Variants in TRAK2 observed in about 807,000 individuals in gnomAD.
TRAK2 encodes trafficking kinesin-binding protein 2.
A neutral mutation model predicts 104.6 loss-of-function variants in TRAK2; 81 were observed. The ratio of observed to expected loss-of-function variants is 0.77; its 90% CI spans 0.65 to 0.93. The LOEUF (loss-of-function observed/expected upper bound fraction) is 0.93, where lower values mean the gene tolerates loss of function less well. TRAK2 is among the 40% of genes least tolerant of loss of function. The probability of loss-of-function intolerance (pLI) is 0.00; values close to 1 mark genes in which losing one functional copy is unlikely to be tolerated. For missense variants in TRAK2, 1,002 were observed against 1,089.0 expected, an observed-to-expected ratio of 0.92 and a Z score of 1.12; for synonymous variants, 406 against 394.4, an observed-to-expected ratio of 1.03 and a Z score of -0.35.
At chr2:201,422,002 T>C (rs1951745103) in intron 1 of TRAK2, among the ~76,000 whole-genome samples, 1 of 146,846 alleles carries the variant, frequency 6.8e-6, no homozygotes, top group South Asian at 2.1e-4. Flanking sequence ...TGAGCTGAGA[T>C]TGCGCCAACT....
intron 2 of TRAK2, chr2:201,412,585 C>T: frequency 7.0e-7 from 1 of 1,427,226 alleles, no homozygotes; most frequent in Non-Finnish European, 9.9e-7. Flanking sequence ...GACTGTTTCA[C>T]AGCTCACATA....
intron 1 of TRAK2, among the ~76,000 whole-genome samples, chr2:201,437,277 T>C (rs1248460919): frequency 6.6e-6 from 1 of 152,178 alleles, no homozygotes; most frequent in East Asian, 1.9e-4. Context: ...TTCCTCTACC[T>C]GCGTTTAATG....
At chr2:201,399,711 G>C (rs756385112) in intron 4 of TRAK2, among the ~76,000 whole-genome samples, 2 of 152,018 alleles carry the variant, frequency 1.3e-5, no homozygotes, top group African/African-American at 4.8e-5. Context: ...AATGCAAGAG[G>C]ACATCTCTTT....
chr2:201,443,887 T>G (rs767183317), intron 1 of TRAK2, among the ~76,000 whole-genome samples: 19 of 152,132 alleles, frequency 1.2e-4, no homozygotes, highest in Non-Finnish European at 2.6e-4. Context: ...AATAGTGTTT[T>G]TAAAGCTAAA....
At chr2:201,413,274 A>G in intron 2 of TRAK2, 1 of 1,308,438 alleles carries the variant, frequency 7.6e-7, no homozygotes, top group East Asian at 2.3e-5. Context: ...TACTTCTGTA[A>G]CAGTACTCTT....
Position 201,387,939 on chromosome 2 carries a change from T to A in TRAK2, c.1460A>T (p.His487Leu), listed in dbSNP as rs1036413867. ...SGDSDLATAL[H>L]RLSLRRQNYL... Reference sequence around the variant, plus strand: ...GTTTTGTCGACGCAAGCTAAGGCGATGCAGTGCTGTAGCCAAATCACTATC... The same window carrying A: ...GTTTTGTCGACGCAAGCTAAGGCGAAGCAGTGCTGTAGCCAAATCACTATC... The change falls in exon 13 of 16, where the codon CAT becomes CTT. Residue 487 changes from histidine to leucine, a missense_variant. Physicochemically the swap from His to Leu is moderately conservative, Grantham distance 99 (BLOSUM62 -3). Coordinates refer to ENST00000332624, the MANE Select transcript of TRAK2 (RefSeq NM_015049.3). 6.2e-7 allele frequency: 1 copy of A among 1,614,210 alleles called. No individual in the cohort carries two copies. The highest frequency in any genetic ancestry group is 8.5e-7 in the Non-Finnish European group (1 of 1,180,044).
intron 1 of TRAK2, among the ~76,000 whole-genome samples, chr2:201,425,119 A>C (rs1334169138): frequency 6.6e-6 from 1 of 152,252 alleles, no homozygotes; most frequent in Non-Finnish European, 1.5e-5. Flanking sequence ...AGTAATTTTA[A>C]GGACTTCATA....
chr2:201,414,810 C>T (rs76189365), intron 2 of TRAK2, among the ~76,000 whole-genome samples: 2 of 144,346 alleles, frequency 1.4e-5, no homozygotes, highest in African/African-American at 5.0e-5. Context: ...ACATGCAGAG[C>T]TAAAAACAGA....
intron 1 of TRAK2, among the ~76,000 whole-genome samples, chr2:201,430,126 G>A (rs112149966): frequency 0.032 from 4,875 of 152,264 alleles, 258 homozygotes; most frequent in African/African-American, 0.11. Context: ...TATCACCAGC[G>A]GGGGCTGCAG....
At position 201,378,292 on chromosome 2, in the gene TRAK2, T is replaced by C. The variant is rs954823958; in HGVS notation, c.*2251A>G. On this transcript the variant is annotated 3_prime_UTR_variant, in exon 16 of 16. Transcript: ENST00000332624. ...CCACCCTGCCTCCAAAGTGATCATTTAGTCATTAATTATAAAAAAGTATAC... is the reference window on the plus strand; with the variant it reads ...CCACCCTGCCTCCAAAGTGATCATTCAGTCATTAATTATAAAAAAGTATAC... 2.6e-5 allele frequency: 4 copies of C among 152,166 alleles called. No homozygotes were observed. Among genetic ancestry groups the C allele is most frequent in the African/African-American group, 9.7e-5 (4 of 41,434 alleles). 9.4% of individuals were successfully genotyped at this position (152,166 alleles called of 1,614,324 possible). A position where few individuals can be genotyped will look rare whatever the true frequency, so the allele number is the denominator to read the frequency against.
Position 201,423,040 on chromosome 2 carries a change from CA to C in TRAK2, c.-199-2335del, listed in dbSNP as rs1400544129. Among the ~76,000 whole-genome samples, 305 of 83,144 alleles carry C rather than the reference CA, an allele frequency of 3.7e-3. 2 individuals are homozygous for C. Among genetic ancestry groups the C allele is most frequent in the African/African-American group, 0.013 (248 of 18,776 alleles). 54.5% of individuals were successfully genotyped at this position (83,144 alleles called of 152,430 possible). ...AATAACAACAGCAACACCACCACCACACACACACACACACACACACACACAC... is the reference window on the plus strand; with the variant it reads ...AATAACAACAGCAACACCACCACCACCACACACACACACACACACACACAC... On this transcript the variant is annotated intron_variant, in intron 1 of 15. Coordinates refer to ENST00000332624, the MANE Select transcript of TRAK2 (RefSeq NM_015049.3).
chr2:201,402,376 TAC>T (rs1469270511), intron 3 of TRAK2, among the ~76,000 whole-genome samples: 1 of 152,080 alleles, frequency 6.6e-6, no homozygotes, highest in Non-Finnish European at 1.5e-5. Flanking sequence ...ATCTGGGAAT[TAC>T]CTATAGCTTA....
intron 5 of TRAK2, 124 bp downstream of exon 5, chr2:201,399,253 C>T: frequency 1.6e-6 from 1 of 617,908 alleles, no homozygotes; most frequent in Non-Finnish European, 2.9e-6. Flanking sequence ...TGGACACCAA[C>T]AAAGTGAACA....
At position 201,394,343 on chromosome 2, in the gene TRAK2, C is replaced by CTTTTTTTTTTTTTT. The variant is rs369969654; in HGVS notation, c.975+454_975+455insAAAAAAAAAAAAAA. Among the ~76,000 whole-genome samples the CTTTTTTTTTTTTTT allele has an allele frequency of 2.4e-5, 3 of 126,590 alleles. 1 individual carries two copies. Among genetic ancestry groups the CTTTTTTTTTTTTTT allele is most frequent in the Non-Finnish European group, 3.4e-5 (2 of 59,442 alleles). The allele number at this position is 126,590 out of a possible 152,430, so 83.0% of individuals were successfully genotyped here. A position where few individuals can be genotyped will look rare whatever the true frequency, so the allele number is the denominator to read the frequency against. ...ACTTTTAAAATGCTTTATTCTTTTT[C>CTTTTTTTTTTTTTT]TTTCTTTTTTTTTTTTTGAGACGAA... On this transcript the variant is annotated intron_variant, in intron 9 of 15. Coordinates refer to ENST00000332624, the MANE Select transcript of TRAK2 (RefSeq NM_015049.3).
intron 10 of TRAK2, 117 bp downstream of exon 10, chr2:201,392,792 A>C: frequency 9.6e-7 from 1 of 1,039,138 alleles, no homozygotes; most frequent in Non-Finnish European, 1.3e-6. Context: ...GAGTCCAGAA[A>C]CAAGGAAAAA....
chr2:201,400,949 A>C lies in TRAK2; in HGVS notation c.363+69T>G, dbSNP rs1429026312. ...TACAACATTTTCCATTTGATGTGCA[A>C]ATTTGATAGATTCCAAATGATCCTC... On this transcript the variant is annotated intron_variant, in intron 4 of 15. Transcript: ENST00000332624. 3.8e-5 allele frequency: 50 copies of C among 1,302,668 alleles called. No homozygotes were observed. The East Asian group carries it at 9.3e-4, about 24-fold the overall frequency. 80.7% of individuals were successfully genotyped at this position (1,302,668 alleles called of 1,614,324 possible). A position where few individuals can be genotyped will look rare whatever the true frequency, so the allele number is the denominator to read the frequency against.
In TRAK2 at chr2:201,387,850, G is replaced by A; in HGVS notation, c.1549C>T (p.Gln517Ter). The A allele has an allele frequency of 6.2e-7, 1 of 1,614,098 alleles. No homozygotes were observed. The highest frequency in any genetic ancestry group is 8.5e-7 in the Non-Finnish European group (1 of 1,180,002). ...WQRKIQVLAD[Q>*]KEGVSGCVTP... The stretch of plus-strand genomic sequence containing the variant: ...ACACAGCCACTAACTCCTTCCTTCT[G>A]GTCTGCCAGAACCTGGATCTTCCGC... Residue 517 changes from glutamine (Q) to a stop codon, truncating the protein, a stop_gained, in exon 13 of 16, where the codon CAG (glutamine) becomes TAG (stop). Transcript: ENST00000332624. LOFTEE classifies it high-confidence loss of function.
At chr2:201,395,214 G>C in intron 8 of TRAK2, 100 bp downstream of exon 8, 1 of 1,021,602 alleles carries the variant, frequency 9.8e-7, no homozygotes, top group South Asian at 1.8e-5. Context: ...AAAAGGGCAG[G>C]GACAATGTTT....
At chr2:201,432,821 T>C (rs1951852988) in intron 1 of TRAK2, among the ~76,000 whole-genome samples, 1 of 152,212 alleles carries the variant, frequency 6.6e-6, no homozygotes, top group African/African-American at 2.4e-5. Flanking sequence ...AATGTAATTA[T>C]TTAGTGAAAC....
Sources: allele counts gnomAD v4.1 joint callset (sites outside exome capture counted in the v4.1 genomes callset), GRCh38; gene constraint gnomAD v4.1.1; transcripts MANE v1.5; gene names NCBI Gene and HGNC (gene_info 2026-07-23, HGNC 2026-07-21).